The following CREB5 variants were observed in gnomAD, a reference collection of about 807,000 sequenced individuals.
CREB5 encodes cAMP responsive element binding protein 5.
In CREB5, 19 loss-of-function variants were observed where a neutral mutation model predicts 57.1. That is an observed-to-expected ratio of 0.33 (90% CI 0.23 to 0.49). CREB5 has a LOEUF of 0.49. Among genes scored for constraint, CREB5 ranks in the 20% least tolerant of loss-of-function variants. The pLI is 0.99. For missense variants in CREB5, 579 were observed against 671.6 expected (o/e 0.86, Z 1.52); for synonymous variants, 238 against 238.3 (o/e 1.00, Z 0.01).
chr7:28,471,203 G>C (rs1379360428), intron 1 of CREB5, among the ~76,000 whole-genome samples: 7 of 152,112 alleles, frequency 4.6e-5, no homozygotes, highest in African/African-American at 1.7e-4. Context: ...TTCATAGTTT[G>C]AGGTCTTAGA....
chr7:28,510,604 A>G (rs1036064650), intron 4 of CREB5, among the ~76,000 whole-genome samples: 4 of 152,228 alleles, frequency 2.6e-5, no homozygotes, highest in African/African-American at 9.6e-5. Context: ...TACTTGACCC[A>G]TGTGGCTGTC....
intron 7 of CREB5, among the ~76,000 whole-genome samples, chr7:28,732,329 C>A (rs540755032): frequency 2.0e-5 from 3 of 152,122 alleles, no homozygotes; most frequent in Admixed American, 2.0e-4. Context: ...CAGCCCAGCA[C>A]GCGCATTGCT....
Position 28,823,562 on chromosome 7 carries a change from A to G in CREB5, c.*4283A>G, listed in dbSNP as rs1399763843. ...TTTATTGCTCTGTGAGTTATTTTTT[A>G]ATCAACATTCTGAACAGTTTTTTTT... is the stretch of plus-strand genomic sequence containing the variant. On this transcript the variant is annotated 3_prime_UTR_variant, in exon 11 of 11. Coordinates refer to ENST00000357727, the MANE Select transcript of CREB5 (RefSeq NM_182898.4). 1 of 152,546 alleles carries G rather than the reference A, an allele frequency of 6.6e-6. No homozygotes were observed. Among genetic ancestry groups the G allele is most frequent in the East Asian group, 1.9e-4 (1 of 5,200 alleles). The allele number at this position is 152,546 out of a possible 1,614,324, so 9.4% of individuals were successfully genotyped here.
intron 1 of CREB5, among the ~76,000 whole-genome samples, chr7:28,385,405 G>A (rs1274032715): frequency 2.6e-5 from 4 of 152,270 alleles, no homozygotes; most frequent in South Asian, 2.1e-4. Flanking sequence ...GGCCAGGCGT[G>A]GTGGCTCATG....
chr7:28,819,168 A>G lies in CREB5; in HGVS notation c.1416A>G (p.Gln472=). 6.2e-7 allele frequency: 1 copy of G among 1,613,834 alleles called. No homozygotes were observed. The highest frequency in any genetic ancestry group is 1.1e-5 in the South Asian group (1 of 91,064). ...ASPVPACSQQ[Q]VIQHNTITTS... ...CTGTCCCAGCTTGCTCCCAGCAACA[A>G]GTCATCCAGCATAATACCATCACTA... Residue 472 remains glutamine (Q), a synonymous_variant, in exon 11 of 11, where the codon CAA becomes CAG. Transcript: ENST00000357727.
At chr7:28,809,438 C>T (rs763541104) in intron 9 of CREB5, 24 bp downstream of exon 9, 56 of 1,574,520 alleles carry the variant, frequency 3.6e-5, no homozygotes, top group Non-Finnish European at 4.8e-5. Flanking sequence ...TGTCTTTCCC[C>T]GCGACTCAAA....
intron 4 of CREB5, among the ~76,000 whole-genome samples, chr7:28,550,524 C>T (rs912732723): frequency 1.3e-5 from 2 of 152,148 alleles, no homozygotes; most frequent in East Asian, 1.9e-4. Context: ...AGATGTCGGT[C>T]GAGCTCTCCT....
At chr7:28,655,876 T>C (rs189432798) in intron 5 of CREB5, among the ~76,000 whole-genome samples, 19 of 152,298 alleles carry the variant, frequency 1.2e-4, no homozygotes, top group Non-Finnish European at 2.4e-4. Flanking sequence ...ACTCTAAATG[T>C]CTGCCGTCAA....
In CREB5 at chr7:28,487,058, C is replaced by A. The variant is rs544836269; in HGVS notation, c.4-1117C>A. Among the ~76,000 whole-genome samples, 9 of 152,160 alleles carry A rather than the reference C, an allele frequency of 5.9e-5. No individual in the cohort carries two copies. In the South Asian group the frequency reaches 1.7e-3, roughly 28 times the overall value. On this transcript the variant is annotated intron_variant, in intron 1 of 10. Transcript: ENST00000357727. ...TTGAGACGGAGTCTTGCTCTGTCAC[C>A]CAGGCTGGAGTGCCATGGTGCGATC...
At chr7:28,742,305 G>A (rs900761149) in intron 7 of CREB5, among the ~76,000 whole-genome samples, 1 of 151,358 alleles carries the variant, frequency 6.6e-6, no homozygotes, top group African/African-American at 2.4e-5. Context: ...GGTGGCTCAC[G>A]CCTGTAATCC....
Position 28,809,179 on chromosome 7 carries a change from C to T in CREB5, c.1027-8C>T, listed in dbSNP as rs753251334. 1.4e-5 allele frequency: 22 copies of T among 1,604,990 alleles called. No individual in the cohort carries two copies. ...TCCCCATCACCTCCTCCCTCTCTGG[C>T]CCAGCAGGTTTCACCAGCAACACAA... On this transcript the variant is annotated splice_polypyrimidine_tract_variant and splice_region_variant and intron_variant, in intron 8 of 10. Coordinates refer to ENST00000357727, the MANE Select transcript of CREB5 (RefSeq NM_182898.4).
chr7:28,633,169 T>C (rs1422270086), intron 5 of CREB5, among the ~76,000 whole-genome samples: 2 of 152,200 alleles, frequency 1.3e-5, no homozygotes, highest in Admixed American at 1.3e-4. Context: ...ACAATTTGTC[T>C]AAGGTCACAC....
intron 4 of CREB5, among the ~76,000 whole-genome samples, chr7:28,536,659 G>A (rs1000458696): frequency 6.6e-6 from 1 of 152,182 alleles, no homozygotes; most frequent in African/African-American, 2.4e-5. Context: ...GATAGCATTA[G>A]TGCCTTTACT....
intron 4 of CREB5, among the ~76,000 whole-genome samples, chr7:28,509,287 C>T (rs562912560): frequency 6.6e-6 from 1 of 152,254 alleles, no homozygotes; most frequent in East Asian, 1.9e-4. Context: ...AGCCCGTGGT[C>T]GGGGTGTGGT....
chr7:28,819,187 A>G lies in CREB5; in HGVS notation c.1435A>G (p.Ile479Val), dbSNP rs372077434. 5.0e-5 allele frequency: 80 copies of G among 1,613,724 alleles called. No homozygotes were observed. The highest frequency in any genetic ancestry group is 1.3e-5 in the African/African-American group (1 of 74,846). The change falls in exon 11 of 11, where the codon ATC (isoleucine) becomes GTC (valine). Residue 479 changes from isoleucine (I) to valine (V), a missense_variant. Ile to Val is a conservative substitution (Grantham distance 29, BLOSUM62 3). Around this residue, in one of 3 missense-constraint regions of CREB5, gnomAD observed 114 missense variants for 130.8 expected, o/e 0.87. Transcript: ENST00000357727. ...GCAACAAGTCATCCAGCATAATACCATCACTACTTCCTCATCGGTCAGCGA... is the reference window on the plus strand; with the variant it reads ...GCAACAAGTCATCCAGCATAATACCGTCACTACTTCCTCATCGGTCAGCGA... ...SQQQVIQHNT[I>V]TTSSSVSEVV...
At position 28,322,423 on chromosome 7, in the gene CREB5, T is replaced by A. The variant is rs371653323; in HGVS notation, c.-25+22982T>A. Among the ~76,000 whole-genome samples, 36 of 152,318 alleles carry A rather than the reference T, an allele frequency of 2.4e-4. No individual in the cohort carries two copies. In the East Asian group the frequency reaches 4.0e-3, roughly 17 times the overall value. ...CAAAATGAATTTTTAAAATTAAATT[T>A]AATTTTTTTATTTTAAAAGTTTTAC... On this transcript the variant is annotated intron_variant, in intron 1 of 9. Coordinates refer to the CREB5 transcript ENST00000396299.
intron 1 of CREB5, among the ~76,000 whole-genome samples, chr7:28,398,335 T>C (rs1488302162): frequency 1.3e-5 from 2 of 152,198 alleles, no homozygotes; most frequent in Non-Finnish European, 2.9e-5. Context: ...GGAGGCTTTG[T>C]GGCAAAGGTA....
chr7:28,749,492 AAG>A (rs1388735655), intron 7 of CREB5: 1 of 152,222 alleles, frequency 6.6e-6, no homozygotes, highest in Non-Finnish European at 1.5e-5. Flanking sequence ...CAGTTAAAAG[AAG>A]AGAGTGGGTT....
rs112479099 is a variant in CREB5, at chr7:28,786,262, T to C, written c.703-17937T>C. On this transcript the variant is annotated intron_variant, in intron 7 of 10. Coordinates refer to ENST00000357727, the MANE Select transcript of CREB5 (RefSeq NM_182898.4). ...TTACCTAGATACTTTATTTATTTATTTAGAGATGGAGTCTCGCTCTGTTAC... is the reference window on the plus strand; with the variant it reads ...TTACCTAGATACTTTATTTATTTATCTAGAGATGGAGTCTCGCTCTGTTAC... Among the ~76,000 whole-genome samples the C allele has an allele frequency of 4.9e-3, 748 of 152,274 alleles. 8 individuals carry two copies. The highest frequency in any genetic ancestry group is 0.016 in the African/African-American group (669 of 41,558).
Sources: gnomAD v4.1 joint callset for allele counts (sites outside exome capture counted in the v4.1 genomes callset) on GRCh38, gnomAD v4.1.1 for gene constraint, gnomAD v4.1.1 regional missense constraint, MANE v1.5 for transcripts, NCBI Gene and HGNC (gene_info 2026-07-23, HGNC 2026-07-21) for gene names.